Variants in SRD5A2 observed in about 807,000 individuals in gnomAD.
SRD5A2 encodes steroid 5 alpha-reductase 2, also known as 3-oxo-5-alpha-steroid 4-dehydrogenase 2.
Under a neutral mutation model 27.4 loss-of-function variants are expected in SRD5A2, and 30 were observed. That is an observed-to-expected ratio of 1.10 (90% CI 0.82 to 1.49). The LOEUF is 1.49. Among genes scored for constraint, SRD5A2 ranks in the 40% most tolerant of loss-of-function variants. The probability of loss-of-function intolerance (pLI) is 0.00; values close to 1 mark genes in which losing one functional copy is unlikely to be tolerated. For synonymous variants in SRD5A2, 141 were observed against 133.6 expected, an observed-to-expected ratio of 1.06 and a Z score of -0.38; for missense variants, 348 against 323.4, an observed-to-expected ratio of 1.08 and a Z score of -0.58.
chr2:31,569,850 A>T (rs756032567), intron 1 of SRD5A2, among the ~76,000 whole-genome samples: 9 of 152,178 alleles, frequency 5.9e-5, no homozygotes, highest in Non-Finnish European at 1.3e-4. Context: ...TTTTTTAGAT[A>T]TCACATCAAA....
At chr2:31,628,552 T>A in the SRD5A2 span, among the ~76,000 whole-genome samples, 1 of 152,188 alleles carries the variant, frequency 6.6e-6, no homozygotes, top group Non-Finnish European at 1.5e-5. Flanking sequence ...CTTTGTGTTG[T>A]TGCTTTATAG....
chr2:31,589,074 T>A, the SRD5A2 span, among the ~76,000 whole-genome samples: 2 of 152,198 alleles, frequency 1.3e-5, no homozygotes, highest in South Asian at 2.1e-4. Context: ...GGGAAAAGTT[T>A]GCCTCTGAAC....
chr2:31,649,941 A>G, the SRD5A2 span, among the ~76,000 whole-genome samples: 1 of 149,888 alleles, frequency 6.7e-6, no homozygotes, highest in Non-Finnish European at 1.5e-5. Flanking sequence ...GTCATTATTA[A>G]TGATCAACAT....
intron 1 of SRD5A2, among the ~76,000 whole-genome samples, chr2:31,547,735 G>C (rs1180905410): frequency 2.6e-5 from 4 of 152,138 alleles, no homozygotes; most frequent in Non-Finnish European, 4.4e-5. Flanking sequence ...CTTGGAATGA[G>C]CCATGCTACC....
the SRD5A2 span, among the ~76,000 whole-genome samples, chr2:31,591,775 A>C: frequency 1.7e-5 from 1 of 58,452 alleles, no homozygotes; most frequent in African/African-American, 7.1e-5. Flanking sequence ...TGATGAGTTC[A>C]TGTCCTTTGT....
chr2:31,551,072 T>A (rs1666372768), intron 1 of SRD5A2, among the ~76,000 whole-genome samples: 1 of 152,066 alleles, frequency 6.6e-6, no homozygotes, highest in South Asian at 2.1e-4. Context: ...AATGAATATG[T>A]TGACACTGAA....
chr2:31,583,223 C>G, upstream of SRD5A2, among the ~76,000 whole-genome samples: 1 of 152,196 alleles, frequency 6.6e-6, no homozygotes, highest in Admixed American at 6.5e-5. Context: ...AGTGAGCTAG[C>G]TCCACCATGT....
the SRD5A2 span, among the ~76,000 whole-genome samples, chr2:31,632,225 C>A: frequency 1.3e-5 from 2 of 152,096 alleles, no homozygotes; most frequent in African/African-American, 4.8e-5. Context: ...CAGAATGGGA[C>A]AAACGACATA....
chr2:31,563,111 C>T (rs1045114500), intron 1 of SRD5A2: 2 of 152,126 alleles, frequency 1.3e-5, no homozygotes, highest in Non-Finnish European at 2.9e-5. Context: ...TACATGGAGC[C>T]ACAGGACTCA....
the SRD5A2 span, among the ~76,000 whole-genome samples, chr2:31,619,714 A>G: frequency 5.3e-5 from 8 of 151,750 alleles, no homozygotes; most frequent in Non-Finnish European, 8.8e-5. Flanking sequence ...TTTTCATATG[A>G]TTGTTGGCCA....
At chr2:31,622,501 T>C in the SRD5A2 span, among the ~76,000 whole-genome samples, 1 of 152,054 alleles carries the variant, frequency 6.6e-6, no homozygotes, top group African/African-American at 2.4e-5. Context: ...GAGGTAAAAA[T>C]TTGTAGCCCA....
At chr2:31,609,366 G>C in the SRD5A2 span, among the ~76,000 whole-genome samples, 1 of 151,782 alleles carries the variant, frequency 6.6e-6, no homozygotes, top group African/African-American at 2.4e-5. Flanking sequence ...ATAAAACTTA[G>C]TACAAAATAA....
the SRD5A2 span, among the ~76,000 whole-genome samples, chr2:31,642,460 T>C: frequency 3.9e-5 from 6 of 152,008 alleles, no homozygotes; most frequent in East Asian, 7.7e-4. Flanking sequence ...CAAAAGAAGA[T>C]AGAAAAATAG....
intron 1 of SRD5A2, among the ~76,000 whole-genome samples, chr2:31,572,883 G>A (rs981574666): frequency 6.6e-6 from 1 of 151,964 alleles, no homozygotes; most frequent in African/African-American, 2.4e-5. Flanking sequence ...ACAATATGGA[G>A]CAAATATTAA....
chr2:31,632,923 G>A, the SRD5A2 span, among the ~76,000 whole-genome samples: 1 of 152,116 alleles, frequency 6.6e-6, no homozygotes, highest in African/African-American at 2.4e-5. Flanking sequence ...GAGAGAAAAG[G>A]AATTCCTAAC....
At chr2:31,595,575 G>GA in the SRD5A2 span, among the ~76,000 whole-genome samples, 12,896 of 150,942 alleles carry the variant, frequency 0.085, 672 homozygotes, top group Middle Eastern at 0.18. Context: ...GTTGCCAAGG[G>GA]AAAAAAAAAT....
the SRD5A2 span, among the ~76,000 whole-genome samples, chr2:31,628,914 T>C: frequency 1.3e-5 from 2 of 152,202 alleles, no homozygotes; most frequent in Non-Finnish European, 2.9e-5. Flanking sequence ...GATGACTGTG[T>C]GTCTTGGGGT....
the SRD5A2 span, among the ~76,000 whole-genome samples, chr2:31,630,311 C>CAGAG: frequency 6.8e-6 from 1 of 147,532 alleles, no homozygotes; most frequent in South Asian, 2.2e-4. Context: ...GAGAGAGAGA[C>CAGAG]AGAGAGAGAG....
chr2:31,554,401 G>C (rs768318755), intron 1 of SRD5A2, among the ~76,000 whole-genome samples: 2 of 152,156 alleles, frequency 1.3e-5, no homozygotes, highest in African/African-American at 4.8e-5. Flanking sequence ...CTGTGATTAC[G>C]GAGATGAAGA....
Sources: gnomAD v4.1 joint callset for allele counts (sites outside exome capture counted in the v4.1 genomes callset) on GRCh38, gnomAD v4.1.1 for gene constraint, MANE v1.5 for transcripts, NCBI Gene and HGNC (gene_info 2026-07-23, HGNC 2026-07-21) for gene names.